PHACTR1: variants seen among roughly 807,000 people sequenced by gnomAD.
PHACTR1 encodes RPEL repeat containing 1.
PHACTR1 carries 16 observed loss-of-function variants against 69.2 expected under a neutral mutation model. That is an observed-to-expected ratio of 0.23 (90% CI 0.16 to 0.35). The LOEUF is 0.35. Among genes scored for constraint, PHACTR1 ranks in the 10% least tolerant of loss-of-function variants. The pLI, the probability that PHACTR1 is intolerant of heterozygous loss-of-function variation, is 1.00. For synonymous variants in PHACTR1, 312 were observed against 284.5 expected, an observed-to-expected ratio of 1.10 and a Z score of -0.97; for missense variants, 510 against 734.7, an observed-to-expected ratio of 0.69 and a Z score of 3.54.
intron 5 of PHACTR1, among the ~76,000 whole-genome samples, chr6:13,145,647 G>A (rs763351666): frequency 3.3e-5 from 5 of 152,130 alleles, no homozygotes; most frequent in South Asian, 2.1e-4. Flanking sequence ...TAGAATTAAC[G>A]TCCTTGCAAG....
At chr6:12,975,978 G>C (rs1252456536) in intron 4 of PHACTR1, among the ~76,000 whole-genome samples, 1 of 152,190 alleles carries the variant, frequency 6.6e-6, no homozygotes, top group African/African-American at 2.4e-5. Flanking sequence ...ATTTAGATAT[G>C]CTTTTAGAAA....
At chr6:12,777,896 T>A (rs1202567646) in intron 4 of PHACTR1, among the ~76,000 whole-genome samples, 5 of 152,212 alleles carry the variant, frequency 3.3e-5, no homozygotes, top group Non-Finnish European at 7.4e-5. Flanking sequence ...CCTCCCAAAG[T>A]GCTGGGATCA....
intron 4 of PHACTR1, among the ~76,000 whole-genome samples, chr6:12,807,359 C>G (rs1774461853): frequency 6.6e-6 from 1 of 152,032 alleles, no homozygotes; most frequent in South Asian, 2.1e-4. Context: ...ATTCCATTTT[C>G]TTTTATTCCG....
In PHACTR1 at chr6:13,160,297, G is replaced by A; in HGVS notation, c.496+13G>A. The A allele has an allele frequency of 2.5e-6, 4 of 1,609,184 alleles. No individual in the cohort carries two copies. The highest frequency in any genetic ancestry group is 3.4e-6 in the Non-Finnish European group (4 of 1,175,754). On this transcript the variant is annotated intron_variant, in intron 6 of 14. Coordinates refer to ENST00000332995, the MANE Select transcript of PHACTR1 (RefSeq NM_030948.6). Reference sequence around the variant, plus strand: ...ATCTATGATAAAGGTAAGGAGGATTGGTCTGTCATCCCCGGGTCAAAGAGT... The same window carrying A: ...ATCTATGATAAAGGTAAGGAGGATTAGTCTGTCATCCCCGGGTCAAAGAGT...
At chr6:12,830,660 G>A (rs1486874518) in intron 4 of PHACTR1, among the ~76,000 whole-genome samples, 1 of 151,994 alleles carries the variant, frequency 6.6e-6, no homozygotes, top group Non-Finnish European at 1.5e-5. Flanking sequence ...CGCGATCTCG[G>A]CTCACTGCAA....
At chr6:12,885,572 T>C (rs1220749692) in intron 4 of PHACTR1, among the ~76,000 whole-genome samples, 2 of 152,262 alleles carry the variant, frequency 1.3e-5, no homozygotes, top group African/African-American at 4.8e-5. Flanking sequence ...TCTGTCTCTC[T>C]GGCCGTCCCC....
At chr6:13,065,501 T>C (rs1299836108) in intron 5 of PHACTR1, among the ~76,000 whole-genome samples, 1 of 151,726 alleles carries the variant, frequency 6.6e-6, no homozygotes, top group Non-Finnish European at 1.5e-5. Flanking sequence ...ATTATGACTT[T>C]AGGGAAGCCA....
chr6:13,272,648 G>A, intron 10 of PHACTR1: 1 of 1,437,428 alleles, frequency 7.0e-7, no homozygotes, highest in South Asian at 1.4e-5. Flanking sequence ...GAGGGCGGGG[G>A]TCAGCGGCTG....
chr6:13,092,111 A>G (rs901626350), intron 5 of PHACTR1, among the ~76,000 whole-genome samples: 6 of 152,118 alleles, frequency 3.9e-5, no homozygotes, highest in African/African-American at 7.2e-5. Flanking sequence ...TCGAACTTCT[A>G]TGAGAATCTA....
intron 4 of PHACTR1, among the ~76,000 whole-genome samples, chr6:13,038,415 G>C (rs1015432693): frequency 1.3e-5 from 2 of 148,596 alleles, no homozygotes; most frequent in African/African-American, 5.0e-5. Flanking sequence ...AGGTACAAAA[G>C]TACTCTAGAG....
chr6:12,933,616 G>T, intron 4 of PHACTR1: 1 of 1,611,942 alleles, frequency 6.2e-7, no homozygotes, highest in Non-Finnish European at 8.5e-7. Context: ...ATGTCTTCAT[G>T]TTTCCACAAT....
intron 5 of PHACTR1, among the ~76,000 whole-genome samples, chr6:13,083,630 A>G (rs371051932): frequency 3.3e-5 from 5 of 151,654 alleles, no homozygotes; most frequent in African/African-American, 1.2e-4. Flanking sequence ...TTGAGCAGTG[A>G]TTTGTAGTTC....
chr6:13,105,915 G>A (rs909313767), intron 5 of PHACTR1, among the ~76,000 whole-genome samples: 1 of 152,160 alleles, frequency 6.6e-6, no homozygotes, highest in African/African-American at 2.4e-5. Context: ...ATATAAAGTT[G>A]TTTATCAGGA....
intron 4 of PHACTR1, among the ~76,000 whole-genome samples, chr6:12,806,837 C>T (rs1484351664): frequency 6.6e-6 from 1 of 152,150 alleles, no homozygotes; most frequent in Non-Finnish European, 1.5e-5. Flanking sequence ...GGCAAAATGG[C>T]TGTCCTTAAA....
At chr6:13,094,482 A>G (rs560700940) in intron 5 of PHACTR1, among the ~76,000 whole-genome samples, 12 of 151,710 alleles carry the variant, frequency 7.9e-5, no homozygotes, top group African/African-American at 2.9e-4. Context: ...TTTAGTAGAG[A>G]GGGGGGGTTT....
chr6:12,725,913 G>T (rs1239361389), intron 3 of PHACTR1, among the ~76,000 whole-genome samples: 2 of 151,816 alleles, frequency 1.3e-5, no homozygotes, highest in African/African-American at 2.4e-5. Flanking sequence ...ATTTTTATGG[G>T]TACATAGTAT....
rs2127701316 is a variant in PHACTR1 at position 13,035,906 on chromosome 6, T to A, written c.251-17459T>A. On this transcript the variant is annotated intron_variant, in intron 4 of 14. Transcript: ENST00000332995. ...AGTACCATCTGTAGATTTGTTAGGC[T>A]TAAACACAAACGTAATATTTATATT... Among the ~76,000 whole-genome samples, 2 of 152,312 alleles carry A rather than the reference T, an allele frequency of 1.3e-5. 1 individual carries two copies. The highest frequency in any genetic ancestry group is 2.9e-5 in the Non-Finnish European group (2 of 68,030).
chr6:12,971,060 T>C (rs1794142962), intron 4 of PHACTR1, among the ~76,000 whole-genome samples: 2 of 152,176 alleles, frequency 1.3e-5, no homozygotes, highest in Non-Finnish European at 2.9e-5. Context: ...AGGATAGTCA[T>C]GAAGTGTTTC....
chr6:12,801,705 G>A (rs1773721436), intron 4 of PHACTR1, among the ~76,000 whole-genome samples: 2 of 152,112 alleles, frequency 1.3e-5, no homozygotes, highest in Admixed American at 6.6e-5. Context: ...AATTAATGAG[G>A]CTAAATTAAG....
Sources: gnomAD v4.1 joint callset for allele counts (sites outside exome capture counted in the v4.1 genomes callset) on GRCh38, gnomAD v4.1.1 for gene constraint, MANE v1.5 for transcripts, NCBI Gene and HGNC (gene_info 2026-07-23, HGNC 2026-07-21) for gene names.